Variants in ABCB7 observed in about 807,000 individuals in gnomAD.
ABCB7 encodes the protein ATP binding cassette subfamily B member 7.
ABCB7 carries 7 observed loss-of-function variants against 54.4 expected under a neutral mutation model. That is an observed-to-expected ratio of 0.13 (90% CI 0.07 to 0.24). The LOEUF is 0.24. Among genes scored for constraint, ABCB7 ranks in the 10% least tolerant of loss-of-function variants. ABCB7 has a pLI of 1.00. For synonymous variants in ABCB7, 218 were observed against 207.1 expected (o/e 1.05, Z -0.45); for missense variants, 356 against 570.4 (o/e 0.62, Z 3.83).
intron 15 of ABCB7, among the ~76,000 whole-genome samples, chrX:75,054,910 A>T (rs1414957012): frequency 9.0e-6 from 1 of 111,158 alleles, no homozygotes; most frequent in African/African-American, 3.3e-5. Flanking sequence ...TTTCTACGGC[A>T]AAAACCACAA....
chrX:75,104,498 A>T (rs757849977), intron 3 of ABCB7, among the ~76,000 whole-genome samples: 2 of 110,585 alleles, frequency 1.8e-5, no homozygotes, highest in Non-Finnish European at 3.8e-5. Context: ...ATGAGGAAAA[A>T]AACAGAAATA....
rs756771142 is a variant in ABCB7, at chrX:75,082,034, A to G, written c.454-5380T>C. 2.3e-4 allele frequency among the ~76,000 whole-genome samples: 26 copies of G among 111,475 alleles called. No individual in the cohort carries two copies. The South Asian group carries it at 9.6e-3, about 41-fold the overall frequency. Reference sequence around the variant, plus strand: ...AGAAGAGTGTGGGGCACAAAAAAGTACCAACGAAATAATGGCTGAAATTTT... The same window carrying G: ...AGAAGAGTGTGGGGCACAAAAAAGTGCCAACGAAATAATGGCTGAAATTTT... On this transcript the variant is annotated intron_variant, in intron 4 of 15. Transcript: ENST00000373394.
At chrX:75,075,697 C>G in intron 5 of ABCB7, 67 bp from the exon 6 acceptor site, 1 of 1,036,858 alleles carries the variant, frequency 9.6e-7, no homozygotes, top group East Asian at 3.2e-5. Context: ...ATAGAAATGA[C>G]AAGGGCTCAG....
At chrX:75,089,901 T>C (rs1048400961) in intron 4 of ABCB7, among the ~76,000 whole-genome samples, 4 of 110,546 alleles carry the variant, frequency 3.6e-5, no homozygotes, top group Non-Finnish European at 7.6e-5. Flanking sequence ...TGAAGAAATA[T>C]ACACCACCTT....
intron 6 of ABCB7, 87 bp from the exon 7 acceptor site, chrX:75,074,043 A>C: frequency 1.3e-6 from 1 of 773,386 alleles, no homozygotes; most frequent in South Asian, 2.2e-5. Context: ...ATCTCGGTCA[A>C]AAGATTTTAA....
At chrX:75,149,389 A>T (rs965834592) in intron 1 of ABCB7, among the ~76,000 whole-genome samples, 41 of 112,221 alleles carry the variant, frequency 3.7e-4, no homozygotes, top group African/African-American at 1.3e-3. Flanking sequence ...TAAAACTGAC[A>T]ACAATCAGTG....
chrX:75,069,547 T>C lies in ABCB7; in HGVS notation c.1366-93A>G, dbSNP rs1205934549. The C allele has an allele frequency of 6.1e-6, 6 of 979,754 alleles. No individual in the cohort carries two copies. The Admixed American group carries it at 1.2e-4, about 20-fold the overall frequency. The allele number at this position is 979,754 out of a possible 1,213,427, so 80.7% of individuals were successfully genotyped here. On this transcript the variant is annotated intron_variant, in intron 10 of 15. Coordinates refer to ENST00000373394, the MANE Select transcript of ABCB7 (RefSeq NM_001271696.3). ...CTAATTCACAGAAAGAAAAAGGATATAATGGAAAAGAAGGAGGTTTATAAG... is the reference window on the plus strand; with the variant it reads ...CTAATTCACAGAAAGAAAAAGGATACAATGGAAAAGAAGGAGGTTTATAAG...
In ABCB7 at chrX:75,140,437, G is replaced by A. The variant is rs1282127992; in HGVS notation, c.168+15668C>T. Among the ~76,000 whole-genome samples, 6 of 110,553 alleles carry A rather than the reference G, an allele frequency of 5.4e-5. No individual in the cohort carries two copies. The Admixed American group carries it at 5.8e-4, about 11-fold the overall frequency. ...AGTGTGGTACTGACATATGGATAGG[G>A]AAATTAATGAGATCAAGTACCAAAT... On this transcript the variant is annotated intron_variant, in intron 1 of 15. Coordinates refer to ENST00000373394, the MANE Select transcript of ABCB7 (RefSeq NM_001271696.3).
intron 1 of ABCB7, among the ~76,000 whole-genome samples, chrX:75,140,203 G>A (rs761443908): frequency 3.4e-4 from 38 of 111,574 alleles, no homozygotes; most frequent in Non-Finnish European, 6.6e-4. Flanking sequence ...TTTTGGAGAC[G>A]AGGAGTAATG....
intron 1 of ABCB7, among the ~76,000 whole-genome samples, chrX:75,144,725 A>G (rs755771327): frequency 9.1e-6 from 1 of 109,757 alleles, no homozygotes; most frequent in African/African-American, 3.3e-5. Context: ...AAAGAAACCT[A>G]AGTATAAATA....
At chrX:75,117,548 C>T (rs2081833871) in intron 1 of ABCB7, among the ~76,000 whole-genome samples, 1 of 110,864 alleles carries the variant, frequency 9.0e-6, no homozygotes, top group African/African-American at 3.3e-5. Flanking sequence ...TAGGGTCCTT[C>T]CTAAGATTTA....
chrX:75,144,818 A>G (rs1423221463), intron 1 of ABCB7, among the ~76,000 whole-genome samples: 1 of 111,623 alleles, frequency 9.0e-6, no homozygotes, highest in Non-Finnish European at 1.9e-5. Context: ...AGGAAACACT[A>G]GGACTCAATT....
At chrX:75,102,811 A>G (rs902041132) in intron 3 of ABCB7, among the ~76,000 whole-genome samples, 3 of 111,269 alleles carry the variant, frequency 2.7e-5, no homozygotes, top group African/African-American at 6.5e-5. Context: ...ATCCTCACCA[A>G]TATCTGTTAT....
At chrX:75,095,189 T>C (rs2081580165) in intron 4 of ABCB7, among the ~76,000 whole-genome samples, 1 of 111,718 alleles carries the variant, frequency 9.0e-6, no homozygotes, top group African/African-American at 3.3e-5. Context: ...CTCATCTATG[T>C]TTCGTGCCTA....
chrX:75,073,433 T>C (rs1400818506), intron 8 of ABCB7, among the ~76,000 whole-genome samples: 3 of 111,398 alleles, frequency 2.7e-5, no homozygotes, highest in Non-Finnish European at 5.7e-5. Flanking sequence ...TGCCAAAACA[T>C]CATTATACAG....
chrX:75,120,543 A>T (rs916777852), intron 1 of ABCB7, among the ~76,000 whole-genome samples: 2 of 110,996 alleles, frequency 1.8e-5, no homozygotes, highest in African/African-American at 6.6e-5. Flanking sequence ...TGGGAGGTGG[A>T]GGTTGCCAAG....
chrX:75,147,987 G>A (rs1469171598), intron 1 of ABCB7, among the ~76,000 whole-genome samples: 1 of 111,250 alleles, frequency 9.0e-6, no homozygotes, highest in Non-Finnish European at 1.9e-5. Context: ...GTGGTGGTGT[G>A]CGCCTGTAAT....
intron 1 of ABCB7, among the ~76,000 whole-genome samples, chrX:75,149,289 G>A (rs994470924): frequency 2.7e-5 from 3 of 111,986 alleles, no homozygotes; most frequent in African/African-American, 6.5e-5. Flanking sequence ...ATGTTATCCT[G>A]TAAGTCACTT....
At chrX:75,083,419 A>C (rs1319756647) in intron 4 of ABCB7, among the ~76,000 whole-genome samples, 2 of 111,673 alleles carry the variant, frequency 1.8e-5, no homozygotes, top group Non-Finnish European at 3.8e-5. Context: ...TGATGAAATA[A>C]ATCAAAGAAA....
Sources: allele counts gnomAD v4.1 joint callset (sites outside exome capture counted in the v4.1 genomes callset), GRCh38; gene constraint gnomAD v4.1.1; transcripts MANE v1.5; gene names NCBI Gene and HGNC (gene_info 2026-07-23, HGNC 2026-07-21).